Variants in ZFYVE28 observed in about 807,000 individuals in gnomAD.
ZFYVE28 encodes the protein lateral signaling target protein 2 homolog.
In ZFYVE28, 40 loss-of-function variants were observed where a neutral mutation model predicts 82.1. That is an observed-to-expected ratio of 0.49 (90% CI 0.38 to 0.63). ZFYVE28 has a LOEUF of 0.63. ZFYVE28 is among the 30% of genes least tolerant of loss of function. ZFYVE28 has a pLI of 0.00. For missense variants in ZFYVE28, 1,321 were observed against 1,242.1 expected (o/e 1.06, Z -0.96); for synonymous variants, 612 against 546.1 (o/e 1.12, Z -1.68).
rs968914099 is a variant in ZFYVE28 at position 2,320,109 on chromosome 4, C to T, written c.803+61G>A. 59 of 1,526,420 alleles carry T rather than the reference C, an allele frequency of 3.9e-5. No individual in the cohort carries two copies. The African/African-American group carries it at 4.1e-4, about 11-fold the overall frequency. 94.6% of individuals were successfully genotyped at this position (1,526,420 alleles called of 1,614,324 possible). ...AGGCGGCGGCTAAACATGACTTCAG[C>T]GCCCACCTGTGGCCCTCCTGTCCCC... On this transcript the variant is annotated intron_variant, in intron 7 of 12. Transcript: ENST00000290974. The surrounding 1 kb of genome is among the most constrained non-coding windows in gnomAD (Gnocchi z 5.1).
Position 2,305,028 on chromosome 4 carries a change from G to A in ZFYVE28, c.1312C>T (p.Gln438Ter). 1 of 1,612,742 alleles carries A rather than the reference G, an allele frequency of 6.2e-7. No homozygotes were observed. The highest frequency in any genetic ancestry group is 8.5e-7 in the Non-Finnish European group (1 of 1,179,880). The change falls in exon 8 of 13, where the codon CAG becomes TAG. Residue 438 changes from glutamine (Q) to a stop codon, truncating the protein, a stop_gained. Transcript: ENST00000290974. LOFTEE classifies it high-confidence loss of function. ...CCCGCCGCTCCGCCTGGCCCACCCTGCCCTTTCTCCTGGGGGTCGGCCCAG... is the reference window on the plus strand; with the variant it reads ...CCCGCCGCTCCGCCTGGCCCACCCTACCCTTTCTCCTGGGGGTCGGCCCAG... ...STWADPQEKGQGGPGGAAGIS... is the reference protein window; with the variant it reads ...STWADPQEKG
intron 7 of ZFYVE28, among the ~76,000 whole-genome samples, chr4:2,317,245 C>T (rs556863934): frequency 6.6e-6 from 1 of 152,166 alleles, no homozygotes; most frequent in African/African-American, 2.4e-5. Context: ...ACCTTGGCCT[C>T]CCAAAGTGCT....
At chr4:2,350,164 T>C (rs780096746) in intron 2 of ZFYVE28, among the ~76,000 whole-genome samples, 8 of 152,118 alleles carry the variant, frequency 5.3e-5, no homozygotes, top group Non-Finnish European at 1.2e-4. Flanking sequence ...TAAGTGTATT[T>C]AGAAAGTATG....
chr4:2,346,351 A>G (rs1044437714), intron 2 of ZFYVE28, among the ~76,000 whole-genome samples: 10 of 149,128 alleles, frequency 6.7e-5, no homozygotes, highest in African/African-American at 2.0e-4. Flanking sequence ...CAAAAAAAAA[A>G]AAAGAAAGAA....
intron 2 of ZFYVE28, among the ~76,000 whole-genome samples, chr4:2,351,696 A>C (rs1472262455): frequency 1.3e-5 from 2 of 152,126 alleles, no homozygotes; most frequent in Non-Finnish European, 2.9e-5. Context: ...CCTGGGCGAG[A>C]GAGTGAGACC....
In ZFYVE28 at chr4:2,336,548, G is replaced by A. The variant is rs143494788; in HGVS notation, c.612-754C>T. 2.8e-5 allele frequency among the ~76,000 whole-genome samples: 4 copies of A among 140,664 alleles called. No individual in the cohort carries two copies. The East Asian group carries it at 5.9e-4, about 21-fold the overall frequency. 92.3% of individuals were successfully genotyped at this position (140,664 alleles called of 152,430 possible). A position where few individuals can be genotyped will look rare whatever the true frequency, so the allele number is the denominator to read the frequency against. ...CTGTACAAAGCCTGATAAGAATATT[G>A]ATGGCTTCCCCCTGCCCCCCCCACT... On this transcript the variant is annotated intron_variant, in intron 5 of 12. Coordinates refer to ENST00000290974, the MANE Select transcript of ZFYVE28 (RefSeq NM_020972.3).
chr4:2,297,078 C>T (rs938473336), intron 8 of ZFYVE28, among the ~76,000 whole-genome samples: 4 of 152,190 alleles, frequency 2.6e-5, no homozygotes, highest in African/African-American at 9.7e-5. Context: ...GGTGGGAAAG[C>T]CGAATGGTGG....
At position 2,341,396 on chromosome 4, in the gene ZFYVE28, G is replaced by A. The variant is rs1722775968; in HGVS notation, c.318+82C>T. The stretch of plus-strand genomic sequence containing the variant: ...AGACACCAGGTCCCGGCACCTGCAG[G>A]CGCCCATGCACAAGGTTCGCAGGGA... On this transcript the variant is annotated intron_variant, in intron 3 of 12. Transcript: ENST00000290974. This position sits in a 1 kb window ranked among gnomAD's most constrained non-coding sequence, Gnocchi z 4.5. 1.3e-6 allele frequency: 2 copies of A among 1,556,554 alleles called. No homozygotes were observed. The highest frequency in any genetic ancestry group is 1.9e-5 in the Admixed American group (1 of 52,992).
intron 8 of ZFYVE28, among the ~76,000 whole-genome samples, chr4:2,283,697 T>C (rs1464893574): frequency 6.6e-6 from 1 of 152,122 alleles, no homozygotes. Flanking sequence ...ATGGCAGAGA[T>C]CAATAGGTGA....
intron 1 of ZFYVE28, among the ~76,000 whole-genome samples, chr4:2,404,381 T>TCATGCCAG (rs1731580043): frequency 7.2e-6 from 1 of 138,352 alleles, no homozygotes; most frequent in Non-Finnish European, 1.5e-5. Flanking sequence ...CCCAAGAGAA[T>TCATGCCAG]CAAATTACAA....
chr4:2,321,824 C>T (rs376336942), intron 6 of ZFYVE28, among the ~76,000 whole-genome samples: 2 of 152,258 alleles, frequency 1.3e-5, no homozygotes, highest in South Asian at 2.1e-4. Flanking sequence ...CTGGAAACCT[C>T]GCTCCTGCCT....
At chr4:2,369,927 T>C (rs1261982778) in intron 1 of ZFYVE28, among the ~76,000 whole-genome samples, 1 of 146,074 alleles carries the variant, frequency 6.8e-6, no homozygotes. Context: ...CTCGGCTCAC[T>C]GCAACCTCCG....
chr4:2,406,461 GGGAGCCGATGGTGTGCAGCA>G (rs935644252), intron 1 of ZFYVE28: 1 of 152,280 alleles, frequency 6.6e-6, no homozygotes, highest in Non-Finnish European at 1.5e-5. Context: ...AGCCAGGCCT[GGGAGCCGATGGTGTGCAGCA>G]GGAAGCCATC....
intron 8 of ZFYVE28, among the ~76,000 whole-genome samples, chr4:2,279,307 C>T (rs1165236070): frequency 2.0e-5 from 3 of 152,200 alleles, no homozygotes; most frequent in Non-Finnish European, 4.4e-5. Flanking sequence ...TGGCGCATGC[C>T]TGTAATCCCA....
At chr4:2,393,961 A>G (rs575013070) in intron 1 of ZFYVE28, among the ~76,000 whole-genome samples, 17 of 152,342 alleles carry the variant, frequency 1.1e-4, no homozygotes, top group African/African-American at 4.1e-4. Context: ...GACTAGAAGC[A>G]GGTGTCAGCA....
At chr4:2,411,908 C>G (rs1344191714) in intron 1 of ZFYVE28, among the ~76,000 whole-genome samples, 1 of 152,208 alleles carries the variant, frequency 6.6e-6, no homozygotes, top group Non-Finnish European at 1.5e-5. Flanking sequence ...CATGGGAGGA[C>G]AGCATGAGAG....
intron 8 of ZFYVE28, among the ~76,000 whole-genome samples, chr4:2,277,206 G>A (rs577323347): frequency 7.2e-5 from 11 of 152,360 alleles, no homozygotes; most frequent in African/African-American, 2.4e-4. Flanking sequence ...CACGCCGGGC[G>A]TGGTGGCTCA....
chr4:2,350,688 G>A (rs539860939), intron 2 of ZFYVE28, among the ~76,000 whole-genome samples: 39 of 152,252 alleles, frequency 2.6e-4, no homozygotes, highest in East Asian at 1.2e-3. Context: ...CCCAACCTCC[G>A]GGGAGGGGAG....
intron 4 of ZFYVE28, among the ~76,000 whole-genome samples, chr4:2,338,245 A>G (rs931628210): frequency 5.3e-5 from 8 of 152,252 alleles, no homozygotes; most frequent in African/African-American, 1.9e-4. Flanking sequence ...TGAGACGTGA[A>G]GGCTTGTCCA....
Sources: allele counts gnomAD v4.1 joint callset (sites outside exome capture counted in the v4.1 genomes callset), GRCh38; gene constraint gnomAD v4.1.1; non-coding constraint Gnocchi (gnomAD v3.1); transcripts MANE v1.5; gene names NCBI Gene and HGNC (gene_info 2026-07-23, HGNC 2026-07-21).